HIBADH: variants seen among roughly 807,000 people sequenced by gnomAD.
HIBADH encodes the protein 3-hydroxyisobutyrate dehydrogenase, mitochondrial.
Under a neutral mutation model 36.1 loss-of-function variants are expected in HIBADH, and 25 were observed. That is an observed-to-expected ratio of 0.69 (90% CI 0.50 to 0.97). HIBADH has a LOEUF of 0.97. Ranked by LOEUF, HIBADH falls within the 50% of genes least tolerant of loss-of-function variation. The pLI, the probability that HIBADH is intolerant of heterozygous loss-of-function variation, is 0.00. For missense variants in HIBADH, 421 were observed against 418.0 expected (o/e 1.01, Z -0.06); for synonymous variants, 160 against 149.5 (o/e 1.07, Z -0.51).
intron 2 of HIBADH, among the ~76,000 whole-genome samples, chr7:27,642,808 C>A (rs547271252): frequency 6.6e-6 from 1 of 151,668 alleles, no homozygotes; most frequent in Non-Finnish European, 1.5e-5. Flanking sequence ...CCCGCCATTA[C>A]GCCCGGCTAA....
intron 1 of HIBADH, among the ~76,000 whole-genome samples, chr7:27,656,620 C>T (rs1202096773): frequency 6.6e-6 from 1 of 152,108 alleles, no homozygotes; most frequent in Admixed American, 6.5e-5. Flanking sequence ...TGTATGGATA[C>T]ACACGAAACA....
chr7:27,558,943 C>G (rs563052343), intron 4 of HIBADH, among the ~76,000 whole-genome samples: 83 of 152,232 alleles, frequency 5.5e-4, no homozygotes, highest in African/African-American at 1.9e-3. Flanking sequence ...TAACAAAGTA[C>G]CACAAACTGG....
intron 1 of HIBADH, among the ~76,000 whole-genome samples, chr7:27,654,952 T>A (rs543435960): frequency 4.6e-5 from 7 of 152,268 alleles, no homozygotes; most frequent in African/African-American, 1.7e-4. Context: ...CTCCTAAAGT[T>A]CTAGGAGCGC....
At chr7:27,596,367 G>C (rs6960834) in intron 4 of HIBADH, among the ~76,000 whole-genome samples, 116,027 of 152,168 alleles carry the variant, frequency 0.76, 44,747 homozygotes, top group East Asian at 0.94. Context: ...AAGTTCCCAA[G>C]ACTGTTGCAC....
intron 4 of HIBADH, among the ~76,000 whole-genome samples, chr7:27,554,179 T>C (rs1784359519): frequency 6.6e-6 from 1 of 152,178 alleles, no homozygotes; most frequent in Admixed American, 6.5e-5. Flanking sequence ...AGAGACAGGG[T>C]TTCACCATGT....
chr7:27,607,000 G>A (rs529358016), intron 4 of HIBADH, among the ~76,000 whole-genome samples: 10 of 152,144 alleles, frequency 6.6e-5, no homozygotes, highest in African/African-American at 2.2e-4. Context: ...TCAATATTGC[G>A]TAAGGTAACT....
chr7:27,659,705 G>C (rs1315621117), intron 1 of HIBADH, among the ~76,000 whole-genome samples: 1 of 151,888 alleles, frequency 6.6e-6, no homozygotes, highest in South Asian at 2.1e-4. Context: ...CTGGACAAGA[G>C]AGAGAGAGAG....
At chr7:27,582,775 G>A (rs1382619167) in intron 4 of HIBADH, among the ~76,000 whole-genome samples, 4 of 152,080 alleles carry the variant, frequency 2.6e-5, no homozygotes, top group African/African-American at 4.8e-5. Flanking sequence ...TTTCTCTTTG[G>A]TTGGAGATTA....
At chr7:27,529,396 T>G (rs1044144668) in intron 7 of HIBADH, among the ~76,000 whole-genome samples, 2 of 152,150 alleles carry the variant, frequency 1.3e-5, no homozygotes, top group Admixed American at 1.3e-4. Flanking sequence ...TTAAGAATAT[T>G]TGTGATTCAT....
At chr7:27,528,605 A>G (rs1783947772) in intron 7 of HIBADH, among the ~76,000 whole-genome samples, 1 of 152,218 alleles carries the variant, frequency 6.6e-6, no homozygotes, top group South Asian at 2.1e-4. Flanking sequence ...GTGAAGGCTG[A>G]GAGAGGTGAG....
chr7:27,662,828 T>G lies in HIBADH; in HGVS notation c.-40A>C, dbSNP rs1159211824. Reference sequence around the variant, plus strand: ...TCTCCCCGCGGTGACCTCCGCCGCCTCCCGGAGGGCCCACAGACTGCGAGC... The same window carrying G: ...TCTCCCCGCGGTGACCTCCGCCGCCGCCCGGAGGGCCCACAGACTGCGAGC... On this transcript the variant is annotated 5_prime_UTR_variant, in exon 1 of 8. Transcript: ENST00000265395. 14 of 1,412,042 alleles carry G rather than the reference T, an allele frequency of 9.9e-6. No homozygotes were observed. The highest frequency in any genetic ancestry group is 1.3e-5 in the Non-Finnish European group (14 of 1,062,340). 87.5% of individuals were successfully genotyped at this position (1,412,042 alleles called of 1,614,324 possible). A position where few individuals can be genotyped will look rare whatever the true frequency, so the allele number is the denominator to read the frequency against.
rs61214015 is a variant in HIBADH at position 27,661,585 on chromosome 7, C to CAA, written c.91+1111_91+1112dup. ...AGCCTGGGCGACAGAGACCCTGTCT[C>CAA]AAAAAAAAAAAAAAAAAAAAAAAAG... On this transcript the variant is annotated intron_variant, in intron 1 of 7. Transcript: ENST00000265395. Among the ~76,000 whole-genome samples, 294 of 68,676 alleles carry CAA rather than the reference C, an allele frequency of 4.3e-3. 3 individuals carry two copies. The highest frequency in any genetic ancestry group is 0.016 in the South Asian group (23 of 1,470). 45.1% of individuals were successfully genotyped at this position (68,676 alleles called of 152,430 possible).
chr7:27,618,970 C>T (rs977747786), intron 4 of HIBADH, among the ~76,000 whole-genome samples: 2 of 152,174 alleles, frequency 1.3e-5, no homozygotes, highest in Admixed American at 6.5e-5. Context: ...TGACCTCCCA[C>T]CAGGCTTCAC....
At chr7:27,528,562 AC>A (rs1438633772) in intron 7 of HIBADH, among the ~76,000 whole-genome samples, 1 of 152,202 alleles carries the variant, frequency 6.6e-6, no homozygotes, top group Admixed American at 6.5e-5. Context: ...CCAAAGCTTA[AC>A]CCAGAACAAG....
At chr7:27,633,623 T>C (rs1236587908) in intron 2 of HIBADH, among the ~76,000 whole-genome samples, 1 of 151,986 alleles carries the variant, frequency 6.6e-6, no homozygotes, top group Non-Finnish European at 1.5e-5. Flanking sequence ...CGCGCCACCA[T>C]ACTCCAGCCT....
intron 4 of HIBADH, among the ~76,000 whole-genome samples, chr7:27,550,074 A>C (rs1784297711): frequency 6.6e-6 from 1 of 151,900 alleles, no homozygotes; most frequent in African/African-American, 2.4e-5. Flanking sequence ...CACCTAGCTA[A>C]ATTTTTTTGT....
intron 4 of HIBADH, among the ~76,000 whole-genome samples, chr7:27,575,045 A>G (rs1365858016): frequency 6.6e-6 from 1 of 152,206 alleles, no homozygotes; most frequent in African/African-American, 2.4e-5. Flanking sequence ...TGAGAGTTCT[A>G]GGATATCCCA....
chr7:27,599,966 A>C (rs1785101153), intron 4 of HIBADH, among the ~76,000 whole-genome samples: 1 of 152,158 alleles, frequency 6.6e-6, no homozygotes, highest in Non-Finnish European at 1.5e-5. Flanking sequence ...ATCAAAGTTT[A>C]AGTTACTATG....
At chr7:27,583,082 T>C (rs1483014236) in intron 4 of HIBADH, among the ~76,000 whole-genome samples, 2 of 152,162 alleles carry the variant, frequency 1.3e-5, no homozygotes, top group Non-Finnish European at 1.5e-5. Context: ...ATTTACTTTC[T>C]GTATTACAGC....
Sources: gnomAD v4.1 joint callset for allele counts (sites outside exome capture counted in the v4.1 genomes callset) on GRCh38, gnomAD v4.1.1 for gene constraint, MANE v1.5 for transcripts, NCBI Gene and HGNC (gene_info 2026-07-23, HGNC 2026-07-21) for gene names.